Variants in PRKCZ observed in about 807,000 individuals in gnomAD.
PRKCZ encodes protein kinase C zeta, also known as protein kinase C zeta type.
Under a neutral mutation model 79.5 loss-of-function variants are expected in PRKCZ, and 33 were observed. The observed-to-expected ratio is 0.41, with a 90% confidence interval of 0.31 to 0.55. The LOEUF (loss-of-function observed/expected upper bound fraction) is 0.55. Among genes scored for constraint, PRKCZ ranks in the 20% least tolerant of loss-of-function variants. The pLI is 0.19. For missense variants in PRKCZ, 578 were observed against 813.5 expected (o/e 0.71, Z 3.52); for synonymous variants, 342 against 320.9 (o/e 1.07, Z -0.70).
At chr1:2,164,995 C>T (rs147074087) in intron 10 of PRKCZ, among the ~76,000 whole-genome samples, 310 of 152,286 alleles carry the variant, frequency 2.0e-3, no homozygotes, top group Middle Eastern at 0.01. Context: ...TGAGGACACC[C>T]GTGTTTGCCT....
chr1:2,100,234 A>G (rs373319209), intron 4 of PRKCZ, among the ~76,000 whole-genome samples: 2 of 152,222 alleles, frequency 1.3e-5, no homozygotes, highest in East Asian at 3.8e-4. Flanking sequence ...TTTTGCTAAA[A>G]TTATTTCAAA....
At position 2,177,725 on chromosome 1, in the gene PRKCZ, C is replaced by T. The variant is rs1458608487; in HGVS notation, c.1575+2412C>T. On this transcript the variant is annotated intron_variant, in intron 16 of 17. Transcript: ENST00000378567. The surrounding 1 kb of genome is among the most constrained non-coding windows in gnomAD (Gnocchi z 6.4). ...GGGCTGTCTCTCGGAAGGTAGTCAGCGGCCCTGGCTTCCCACCTGGGTCCC... is the reference window on the plus strand; with the variant it reads ...GGGCTGTCTCTCGGAAGGTAGTCAGTGGCCCTGGCTTCCCACCTGGGTCCC... 1.3e-5 allele frequency among the ~76,000 whole-genome samples: 2 copies of T among 152,196 alleles called. No homozygotes were observed. Among genetic ancestry groups the T allele is most frequent in the South Asian group, 2.1e-4 (1 of 4,834 alleles).
rs556160017 is a variant in PRKCZ at position 2,129,770 on chromosome 1, C to CA, written c.335-5491dup. ...TAGCACCAGGCTTCCTCTCAGCCTC[C>CA]ATAGGCGAGTAGGGACCAGGCAGGG... On this transcript the variant is annotated intron_variant, in intron 4 of 17. Coordinates refer to ENST00000378567, the MANE Select transcript of PRKCZ (RefSeq NM_002744.6). 5.1e-3 allele frequency among the ~76,000 whole-genome samples: 773 copies of CA among 152,304 alleles called. 3 individuals carry two copies. The highest frequency in any genetic ancestry group is 8.7e-3 in the Non-Finnish European group (595 of 68,030).
chr1:2,069,446 T>C (rs984202566), intron 4 of PRKCZ, among the ~76,000 whole-genome samples: 4 of 152,170 alleles, frequency 2.6e-5, no homozygotes, highest in African/African-American at 9.7e-5. Context: ...GCCATTACCT[T>C]GAGCAAACGA....
In PRKCZ at chr1:2,109,789, C is replaced by T. The variant is rs559088576; in HGVS notation, c.335-25473C>T. Among the ~76,000 whole-genome samples, 23 of 152,274 alleles carry T rather than the reference C, an allele frequency of 1.5e-4. No homozygotes were observed. The East Asian group carries it at 4.1e-3, about 27-fold the overall frequency. The stretch of plus-strand genomic sequence containing the variant: ...AGGTCCAGGCCATGGGCCTGTGGGC[C>T]GTGCCACGTCGCTCAGATTTTGTGG... On this transcript the variant is annotated intron_variant, in intron 4 of 17. Coordinates refer to ENST00000378567, the MANE Select transcript of PRKCZ (RefSeq NM_002744.6).
At position 2,075,893 on chromosome 1, in the gene PRKCZ, G is replaced by T. The variant is rs1268765605; in HGVS notation, c.334+16302G>T. Among the ~76,000 whole-genome samples the T allele has an allele frequency of 1.3e-5, 2 of 152,216 alleles. No homozygotes were observed. The highest frequency in any genetic ancestry group is 2.9e-5 in the Non-Finnish European group (2 of 68,042). On this transcript the variant is annotated intron_variant, in intron 4 of 17. Transcript: ENST00000378567. The surrounding 1 kb of genome is among the most constrained non-coding windows in gnomAD (Gnocchi z 4.8). ...TCTCGTGTGTGTAGCAGCGGGGGCT[G>T]CGTCTCATCTGCCACACGTTTCTGA...
At chr1:2,129,806 A>C (rs1020806583) in intron 4 of PRKCZ, among the ~76,000 whole-genome samples, 3 of 152,240 alleles carry the variant, frequency 2.0e-5, no homozygotes, top group African/African-American at 7.2e-5. Context: ...CCTTGGCCAC[A>C]GGGAGGCTTC....
At chr1:2,146,882 A>G (rs1678653306) in intron 7 of PRKCZ, among the ~76,000 whole-genome samples, 1 of 152,058 alleles carries the variant, frequency 6.6e-6, no homozygotes, top group African/African-American at 2.4e-5. Context: ...TCATCCGTAC[A>G]TCATCCATTC....
chr1:2,159,266 G>A (rs1039706039), intron 10 of PRKCZ, among the ~76,000 whole-genome samples: 7 of 152,238 alleles, frequency 4.6e-5, no homozygotes, highest in Middle Eastern at 3.2e-3. Flanking sequence ...CCACGCGTCC[G>A]GGTGGCGGAA....
chr1:2,180,360 C>CCAGACGATGTGGACGCA, intron 16 of PRKCZ, among the ~76,000 whole-genome samples: 1 of 151,640 alleles, frequency 6.6e-6, no homozygotes, highest in South Asian at 2.1e-4. Context: ...ACGTGGACAC[C>CCAGACGATGTGGACGCA]CAGACGATGT....
chr1:2,101,211 G>A (rs997050059), intron 4 of PRKCZ, among the ~76,000 whole-genome samples: 1 of 152,116 alleles, frequency 6.6e-6, no homozygotes, highest in Non-Finnish European at 1.5e-5. Flanking sequence ...TTTTTAAAAG[G>A]TTTAACTTCA....
rs1410935768 is a variant in PRKCZ, at chr1:2,178,591, G to T, written c.1575+3278G>T. 6.6e-6 allele frequency among the ~76,000 whole-genome samples: 1 copy of T among 152,224 alleles called. No individual in the cohort carries two copies. Among genetic ancestry groups the T allele is most frequent in the Non-Finnish European group, 1.5e-5 (1 of 68,032 alleles). On this transcript the variant is annotated intron_variant, in intron 16 of 17. Coordinates refer to ENST00000378567, the MANE Select transcript of PRKCZ (RefSeq NM_002744.6). This position sits in a 1 kb window ranked among gnomAD's most constrained non-coding sequence, Gnocchi z 4.3. ...TATTTCTCTTGGGCACGTGCTCAGG[G>T]CGCAGTTGCAGGTCCGGTGGTCTCA...
intron 4 of PRKCZ, among the ~76,000 whole-genome samples, chr1:2,112,615 A>T (rs925906): frequency 6.6e-6 from 1 of 151,662 alleles, no homozygotes; most frequent in Non-Finnish European, 1.5e-5. Context: ...AGTACTCAAA[A>T]AAGGAAGAAG....
At chr1:2,134,806 T>G (rs1161728790) in intron 4 of PRKCZ, 1 of 153,614 alleles carries the variant, frequency 6.5e-6, no homozygotes, top group Non-Finnish European at 1.5e-5. Flanking sequence ...CTCTTCCTCC[T>G]CTGACAGTCA....
At chr1:2,073,974 G>T in intron 4 of PRKCZ, 3 of 1,394,010 alleles carry the variant, frequency 2.2e-6, no homozygotes, top group Non-Finnish European at 2.8e-6. Flanking sequence ...CGCCCCCGGG[G>T]CCGGGCCAGC....
intron 4 of PRKCZ, among the ~76,000 whole-genome samples, chr1:2,081,823 C>G (rs1318298998): frequency 6.6e-6 from 1 of 152,010 alleles, no homozygotes; most frequent in African/African-American, 2.4e-5. Flanking sequence ...CCACTGCCGC[C>G]CCGCCCCCCA....
intron 4 of PRKCZ, among the ~76,000 whole-genome samples, chr1:2,083,417 A>C (rs529265550): frequency 6.6e-6 from 1 of 152,188 alleles, no homozygotes; most frequent in South Asian, 2.1e-4. Context: ...TGTACTGAAA[A>C]TTTAGAACGA....
chr1:2,102,426 A>G (rs1029834247), intron 4 of PRKCZ, among the ~76,000 whole-genome samples: 1 of 151,332 alleles, frequency 6.6e-6, no homozygotes. Flanking sequence ...CCCGTCTCCC[A>G]AGTTCACACC....
intron 4 of PRKCZ, among the ~76,000 whole-genome samples, chr1:2,114,568 G>A (rs1670365532): frequency 6.6e-6 from 1 of 152,214 alleles, no homozygotes; most frequent in Non-Finnish European, 1.5e-5. Flanking sequence ...GAGGTCAGGA[G>A]TTTGAGACCA....
Sources: allele counts gnomAD v4.1 joint callset (sites outside exome capture counted in the v4.1 genomes callset), GRCh38; gene constraint gnomAD v4.1.1; non-coding constraint Gnocchi (gnomAD v3.1); transcripts MANE v1.5; gene names NCBI Gene and HGNC (gene_info 2026-07-23, HGNC 2026-07-21).